Variants in RBFOX1 observed in about 807,000 individuals in gnomAD.
RBFOX1 encodes RNA binding protein fox-1 homolog 1.
RBFOX1 carries 8 observed loss-of-function variants against 57.7 expected under a neutral mutation model. That is an observed-to-expected ratio of 0.14 (90% CI 0.08 to 0.25). RBFOX1 has a LOEUF of 0.25. RBFOX1 is among the 10% of genes least tolerant of loss of function. RBFOX1 has a pLI of 1.00. For missense variants in RBFOX1, 611 were observed against 548.5 expected, an observed-to-expected ratio of 1.11 and a Z score of -1.14; for synonymous variants, 326 against 222.4, an observed-to-expected ratio of 1.47 and a Z score of -4.15.
intron 3 of RBFOX1, among the ~76,000 whole-genome samples, chr16:6,818,527 C>A (rs931202486): frequency 6.6e-6 from 1 of 152,162 alleles, no homozygotes; most frequent in Non-Finnish European, 1.5e-5. Context: ...GGCAATAATA[C>A]AAGCTGTTGT....
At chr16:7,310,162 C>T (rs1187172406) in intron 4 of RBFOX1, among the ~76,000 whole-genome samples, 1 of 152,188 alleles carries the variant, frequency 6.6e-6, no homozygotes, top group East Asian at 1.9e-4. Context: ...TACAGGTGAG[C>T]TAGCCAAATG....
chr16:6,013,150 G>A lies in RBFOX1; in HGVS notation c.351+145815G>A, dbSNP rs144202647. On this transcript the variant is annotated intron_variant, in intron 4 of 19. Transcript: ENST00000641259. ...CTTGTTTAGCTCACATAGTTATTAAGTAGTAGATATGGAATATGAACGCAG... is the reference window on the plus strand; with the variant it reads ...CTTGTTTAGCTCACATAGTTATTAAATAGTAGATATGGAATATGAACGCAG... Among the ~76,000 whole-genome samples the A allele has an allele frequency of 1.9e-3, 287 of 152,288 alleles. 2 individuals are homozygous for A. The highest frequency in any genetic ancestry group is 6.7e-3 in the African/African-American group (280 of 41,568).
Position 7,202,097 on chromosome 16 carries a change from C to G in RBFOX1, c.27+149999C>G, listed in dbSNP as rs137879497. ...TGTCTCCAAAAATCAATATGGGTTA[C>G]TCAACAACAACAACAACCACAGCAA... On this transcript the variant is annotated intron_variant, in intron 4 of 15. Coordinates refer to ENST00000550418, the MANE Select transcript of RBFOX1 (RefSeq NM_018723.4). Among the ~76,000 whole-genome samples, 305 of 152,106 alleles carry G rather than the reference C, an allele frequency of 2.0e-3. 1 individual carries two copies. Among genetic ancestry groups the G allele is most frequent in the African/African-American group, 6.9e-3 (287 of 41,480 alleles).
chr16:7,297,788 G>A (rs901956318), intron 4 of RBFOX1, among the ~76,000 whole-genome samples: 11 of 151,986 alleles, frequency 7.2e-5, no homozygotes, highest in Non-Finnish European at 1.2e-4. Flanking sequence ...AAATCTAAGC[G>A]ACATAAATCT....
intron 2 of RBFOX1, among the ~76,000 whole-genome samples, chr16:5,565,838 G>A (rs1178595772): frequency 6.6e-6 from 1 of 152,054 alleles, no homozygotes; most frequent in East Asian, 2.0e-4. Context: ...GGGTAGGTGG[G>A]TGATATGGTT....
chr16:6,846,086 G>A (rs527808650), intron 3 of RBFOX1, among the ~76,000 whole-genome samples: 7 of 152,250 alleles, frequency 4.6e-5, no homozygotes, highest in Non-Finnish European at 1.0e-4. Context: ...TCATATTTCT[G>A]TACCACTAAA....
At chr16:6,201,439 C>G (rs941364758) in intron 1 of RBFOX1, among the ~76,000 whole-genome samples, 2 of 152,092 alleles carry the variant, frequency 1.3e-5, no homozygotes, top group Non-Finnish European at 2.9e-5. Context: ...TAAGGATTCC[C>G]CTTTCTCCAC....
At chr16:7,333,808 G>T (rs551622502) in intron 4 of RBFOX1, among the ~76,000 whole-genome samples, 2 of 152,106 alleles carry the variant, frequency 1.3e-5, no homozygotes, top group South Asian at 4.2e-4. Context: ...TTTGCAAGCA[G>T]GTATTGCCTT....
chr16:6,126,565 T>A (rs559049522), intron 1 of RBFOX1, among the ~76,000 whole-genome samples: 42 of 152,296 alleles, frequency 2.8e-4, no homozygotes, highest in African/African-American at 9.9e-4. Flanking sequence ...ATCTTCCATA[T>A]GGCTTTAGAC....
chr16:6,546,531 C>G (rs1241722989), intron 2 of RBFOX1, among the ~76,000 whole-genome samples: 5 of 152,180 alleles, frequency 3.3e-5, no homozygotes, highest in African/African-American at 1.2e-4. Context: ...TCCATAGCAC[C>G]TCTGTCTGCT....
chr16:7,097,383 G>T (rs914785636), intron 4 of RBFOX1, among the ~76,000 whole-genome samples: 7 of 152,080 alleles, frequency 4.6e-5, no homozygotes, highest in African/African-American at 1.7e-4. Flanking sequence ...AGAGTTGCTT[G>T]CATCAACCCC....
intron 4 of RBFOX1, among the ~76,000 whole-genome samples, chr16:7,485,960 T>C (rs1469486201): frequency 1.3e-5 from 2 of 152,154 alleles, no homozygotes. Flanking sequence ...AACTGTGAAG[T>C]TGAGTTGTGT....
intron 1 of RBFOX1, among the ~76,000 whole-genome samples, chr16:6,251,589 G>A (rs189009252): frequency 1.2e-4 from 19 of 152,100 alleles, no homozygotes; most frequent in African/African-American, 3.9e-4. Flanking sequence ...TTGGAGGTAG[G>A]GGGAGAGAGA....
At chr16:6,143,002 G>C in intron 1 of RBFOX1, among the ~76,000 whole-genome samples, 1 of 152,226 alleles carries the variant, frequency 6.6e-6, no homozygotes, top group East Asian at 1.9e-4. Flanking sequence ...CAAGGTAATA[G>C]TATTTTTTCA....
intron 4 of RBFOX1, among the ~76,000 whole-genome samples, chr16:7,335,741 C>T (rs895327047): frequency 1.3e-5 from 2 of 152,144 alleles, no homozygotes; most frequent in Admixed American, 6.5e-5. Flanking sequence ...TTATTCCAAG[C>T]AATAATTGAT....
In RBFOX1 at chr16:6,854,587, A is replaced by ATTTTTTTTTTTTTTTT. The variant is rs71147611; in HGVS notation, c.-15-197460_-15-197445dup. Among the ~76,000 whole-genome samples, 32 of 70,640 alleles carry ATTTTTTTTTTTTTTTT rather than the reference A, an allele frequency of 4.5e-4. 2 individuals are homozygous for ATTTTTTTTTTTTTTTT. The highest frequency in any genetic ancestry group is 6.4e-4 in the Non-Finnish European group (25 of 39,142). 46.3% of individuals were successfully genotyped at this position (70,640 alleles called of 152,430 possible). A position where few individuals can be genotyped will look rare whatever the true frequency, so the allele number is the denominator to read the frequency against. ...CCTCCCTGCCAACTAGGAGAGGTGA[A>ATTTTTTTTTTTTTTTT]TTTTTTTTTTTTTTTTTTTTTTTTT... is the stretch of plus-strand genomic sequence containing the variant. On this transcript the variant is annotated intron_variant, in intron 3 of 15. Coordinates refer to ENST00000550418, the MANE Select transcript of RBFOX1 (RefSeq NM_018723.4).
At chr16:5,483,066 C>T (rs1191584984) in intron 2 of RBFOX1, among the ~76,000 whole-genome samples, 1 of 152,200 alleles carries the variant, frequency 6.6e-6, no homozygotes, top group Non-Finnish European at 1.5e-5. Flanking sequence ...TCTAACCCCA[C>T]AGAGTGCCTT....
At position 7,057,230 on chromosome 16, in the gene RBFOX1, G is replaced by A. The variant is rs149064326; in HGVS notation, c.27+5132G>A. Among the ~76,000 whole-genome samples, 552 of 152,300 alleles carry A rather than the reference G, an allele frequency of 3.6e-3. 3 individuals are homozygous for A. Among genetic ancestry groups the A allele is most frequent in the Middle Eastern group, 0.01 (3 of 294 alleles). On this transcript the variant is annotated intron_variant, in intron 4 of 15. Transcript: ENST00000550418. ...GCTCTGTATTTGATTTCATGGTGAA[G>A]TATTTAGGAGATAACTCCCTCTCAG...
At chr16:5,425,656 G>A (rs968390618) in intron 1 of RBFOX1, among the ~76,000 whole-genome samples, 9 of 152,184 alleles carry the variant, frequency 5.9e-5, no homozygotes, top group African/African-American at 2.2e-4. Flanking sequence ...GGCTGAGCAG[G>A]GCCAGATTTG....
Sources: gnomAD v4.1 joint callset for allele counts (sites outside exome capture counted in the v4.1 genomes callset) on GRCh38, gnomAD v4.1.1 for gene constraint, MANE v1.5 for transcripts, NCBI Gene and HGNC (gene_info 2026-07-23, HGNC 2026-07-21) for gene names.